CSMD1: variants seen among roughly 807,000 people sequenced by gnomAD.
The protein encoded by CSMD1 is CUB and sushi domain-containing protein 1.
A neutral mutation model predicts 417.5 loss-of-function variants in CSMD1; 213 were observed. The observed-to-expected ratio is 0.51, with a 90% CI of 0.46 to 0.57. The LOEUF (loss-of-function observed/expected upper bound fraction) is 0.57. Among genes scored for constraint, CSMD1 ranks in the 20% least tolerant of loss-of-function variants. The probability of loss-of-function intolerance (pLI) is 0.00; values close to 1 mark genes in which losing one functional copy is unlikely to be tolerated. For missense variants in CSMD1, 6,923 were observed against 4,529.7 expected (o/e 1.53, Z -15.17); for synonymous variants, 2,862 against 1,736.8 (o/e 1.65, Z -16.11).
intron 2 of CSMD1, among the ~76,000 whole-genome samples, chr8:4,434,482 G>T (rs148050496): frequency 6.6e-5 from 10 of 152,244 alleles, no homozygotes; most frequent in Admixed American, 2.0e-4. Flanking sequence ...TCTAACAGAA[G>T]GAAAGAAACA....
chr8:3,788,405 G>C (rs528235435), intron 5 of CSMD1, among the ~76,000 whole-genome samples: 1 of 152,262 alleles, frequency 6.6e-6, no homozygotes, highest in Middle Eastern at 3.4e-3. Context: ...GAAGACCCAA[G>C]TGAGGCTTCT....
At chr8:3,233,993 C>G (rs912521934) in intron 26 of CSMD1, among the ~76,000 whole-genome samples, 1 of 152,202 alleles carries the variant, frequency 6.6e-6, no homozygotes, top group Non-Finnish European at 1.5e-5. Flanking sequence ...ACATCGATGT[C>G]TGTGTATTCT....
chr8:3,971,251 G>C (rs988936451), intron 5 of CSMD1, among the ~76,000 whole-genome samples: 7 of 152,158 alleles, frequency 4.6e-5, no homozygotes, highest in East Asian at 1.9e-4. Flanking sequence ...TTCTGCCTGA[G>C]TTTTTAATCT....
At chr8:3,733,305 T>C (rs1322074557) in intron 6 of CSMD1, among the ~76,000 whole-genome samples, 2 of 147,610 alleles carry the variant, frequency 1.4e-5, no homozygotes, top group African/African-American at 2.5e-5. Flanking sequence ...TGAATATATA[T>C]ACACATACAT....
At chr8:3,286,117 G>A (rs950673853) in intron 25 of CSMD1, among the ~76,000 whole-genome samples, 1 of 151,994 alleles carries the variant, frequency 6.6e-6, no homozygotes, top group Non-Finnish European at 1.5e-5. Context: ...GAGAATCATG[G>A]TTTCCAGCTT....
Position 3,308,678 on chromosome 8 carries a change from C to T in CSMD1, c.3632-175G>A, listed in dbSNP as rs189664654. Among the ~76,000 whole-genome samples, 358 of 150,458 alleles carry T rather than the reference C, an allele frequency of 2.4e-3. 1 individual carries two copies. The highest frequency in any genetic ancestry group is 8.5e-3 in the African/African-American group (347 of 40,898). ...GGTCTGTACTGGGGCTATTTGTTAC[C>T]CATTTGTGATTTCTTGAAGTTCGGT... On this transcript the variant is annotated intron_variant, in intron 23 of 69. Transcript: ENST00000635120.
chr8:3,260,627 G>T (rs58208114), intron 26 of CSMD1, among the ~76,000 whole-genome samples: 19,800 of 150,890 alleles, frequency 0.13, 1,691 homozygotes, highest in Non-Finnish European at 0.18. Flanking sequence ...CAGTGCTTAG[G>T]GAGAGAAACA....
chr8:3,676,608 A>G (rs1429173111), intron 7 of CSMD1, among the ~76,000 whole-genome samples: 1 of 152,198 alleles, frequency 6.6e-6, no homozygotes, highest in African/African-American at 2.4e-5. Flanking sequence ...TTTCCTAAGA[A>G]GGTTGCCGTG....
chr8:3,441,213 C>A (rs151140690), intron 12 of CSMD1, among the ~76,000 whole-genome samples: 1 of 152,066 alleles, frequency 6.6e-6, no homozygotes, highest in Non-Finnish European at 1.5e-5. Context: ...TGGCAGGGAG[C>A]ATGGCTTTGC....
At chr8:4,066,973 A>ATAT (rs1799285011) in intron 3 of CSMD1, among the ~76,000 whole-genome samples, 1 of 152,260 alleles carries the variant, frequency 6.6e-6, no homozygotes, top group Non-Finnish European at 1.5e-5. Flanking sequence ...CCTAATGAGT[A>ATAT]TATTCTAAAG....
At chr8:3,157,419 C>T (rs146074036) in intron 39 of CSMD1, among the ~76,000 whole-genome samples, 40 of 152,278 alleles carry the variant, frequency 2.6e-4, no homozygotes, top group African/African-American at 8.7e-4. Flanking sequence ...TGATTGTGCC[C>T]CCAGGAGCGC....
chr8:4,259,467 C>A (rs1225307104), intron 3 of CSMD1, among the ~76,000 whole-genome samples: 1 of 152,078 alleles, frequency 6.6e-6, no homozygotes, highest in Non-Finnish European at 1.5e-5. Flanking sequence ...AAGCTTTAGG[C>A]TTAAAAATTA....
intron 1 of CSMD1, among the ~76,000 whole-genome samples, chr8:4,681,892 T>G (rs1450216626): frequency 3.3e-5 from 5 of 152,300 alleles, no homozygotes; most frequent in Admixed American, 1.3e-4. Flanking sequence ...TCAGAACAAA[T>G]GTTCAGAGTA....
At chr8:3,498,250 T>C (rs764034981) in intron 10 of CSMD1, among the ~76,000 whole-genome samples, 9 of 152,230 alleles carry the variant, frequency 5.9e-5, no homozygotes, top group Non-Finnish European at 1.2e-4. Flanking sequence ...CTTTGAAGTT[T>C]TTTATTATGT....
At chr8:3,642,512 C>A (rs1208689559) in intron 7 of CSMD1, among the ~76,000 whole-genome samples, 2 of 152,130 alleles carry the variant, frequency 1.3e-5, no homozygotes, top group African/African-American at 2.4e-5. Context: ...AGAAAAACTG[C>A]CTTTATCCAG....
chr8:4,027,137 G>C (rs1305845838), intron 4 of CSMD1, among the ~76,000 whole-genome samples: 1 of 152,160 alleles, frequency 6.6e-6, no homozygotes, highest in Non-Finnish European at 1.5e-5. Context: ...CTCATGTTGG[G>C]TACACTACCA....
intron 3 of CSMD1, among the ~76,000 whole-genome samples, chr8:4,391,848 A>G (rs1364716715): frequency 2.0e-5 from 3 of 152,176 alleles, no homozygotes; most frequent in East Asian, 1.9e-4. Context: ...CTGAGTCAAT[A>G]GCCTCTGTTC....
chr8:4,425,969 A>G (rs1797527207), intron 2 of CSMD1, among the ~76,000 whole-genome samples: 1 of 152,146 alleles, frequency 6.6e-6, no homozygotes. Flanking sequence ...TTAGAGAGGT[A>G]GACATAGCCC....
At chr8:4,159,915 A>T (rs534272471) in intron 3 of CSMD1, among the ~76,000 whole-genome samples, 86 of 152,230 alleles carry the variant, frequency 5.6e-4, no homozygotes, top group African/African-American at 1.9e-3. Flanking sequence ...TAAGAATGAT[A>T]TAAAAAACTT....
Sources: allele counts gnomAD v4.1 joint callset (sites outside exome capture counted in the v4.1 genomes callset), GRCh38; gene constraint gnomAD v4.1.1; transcripts MANE v1.5; gene names NCBI Gene and HGNC (gene_info 2026-07-23, HGNC 2026-07-21).